Variants in PKIA observed in about 807,000 individuals in gnomAD.
PKIA encodes cAMP-dependent protein kinase inhibitor alpha.
PKIA carries 4 observed loss-of-function variants against 7.6 expected under a neutral mutation model. The ratio of observed to expected loss-of-function variants is 0.52; its 90% CI spans 0.26 to 1.20. The LOEUF is 1.20. Among genes scored for constraint, PKIA ranks in the 50% most tolerant of loss-of-function variants. The pLI is 0.13. For missense variants in PKIA, 73 were observed against 86.2 expected, an observed-to-expected ratio of 0.85 and a Z score of 0.61; for synonymous variants, 21 against 30.7, an observed-to-expected ratio of 0.68 and a Z score of 1.04.
At chr8:78,597,680 A>T (rs1211271912) in intron 2 of PKIA, among the ~76,000 whole-genome samples, 1 of 152,228 alleles carries the variant, frequency 6.6e-6, no homozygotes, top group African/African-American at 2.4e-5. Flanking sequence ...ATGTCAACAA[A>T]CTATGGCATG....
intron 1 of PKIA, among the ~76,000 whole-genome samples, chr8:78,548,757 T>G (rs2118456553): frequency 6.6e-6 from 1 of 152,210 alleles, no homozygotes; most frequent in South Asian, 2.1e-4. Flanking sequence ...GACTTAGATA[T>G]TAAGAGAATA....
intron 1 of PKIA, among the ~76,000 whole-genome samples, chr8:78,556,973 T>C (rs912308270): frequency 4.6e-5 from 7 of 152,150 alleles, no homozygotes; most frequent in African/African-American, 1.4e-4. Flanking sequence ...CATGACAAAA[T>C]CTTCCTACTA....
At chr8:78,577,441 T>C (rs1222159663) in intron 2 of PKIA, among the ~76,000 whole-genome samples, 1 of 151,704 alleles carries the variant, frequency 6.6e-6, no homozygotes, top group East Asian at 1.9e-4. Flanking sequence ...CAAATCCCTT[T>C]GATATGAGTT....
chr8:78,519,434 T>C (rs1265181610), intron 1 of PKIA, among the ~76,000 whole-genome samples: 1 of 152,056 alleles, frequency 6.6e-6, no homozygotes, highest in African/African-American at 2.4e-5. Context: ...TGAAACCCTG[T>C]CTCAAATTAA....
chr8:78,557,851 C>T (rs1047847429), intron 1 of PKIA, among the ~76,000 whole-genome samples: 2 of 83,698 alleles, frequency 2.4e-5, no homozygotes, highest in East Asian at 3.7e-4. Flanking sequence ...TGTCCTTCTC[C>T]GGGATGGTAG....
Position 78,574,613 on chromosome 8 carries a change from TAA to T in PKIA, c.-28+1677_-28+1678del, listed in dbSNP as rs576499509. ...CAGGTGTGAAAGTGAACTAGTGATCTAAAATAGCACACTGAAACTGGTTTCAA... is the reference window on the plus strand; with the variant it reads ...CAGGTGTGAAAGTGAACTAGTGATCTAATAGCACACTGAAACTGGTTTCAA... On this transcript the variant is annotated intron_variant, in intron 2 of 3. Transcript: ENST00000396418. Among the ~76,000 whole-genome samples, 372 of 152,130 alleles carry T rather than the reference TAA, an allele frequency of 2.4e-3. 2 individuals carry two copies. Among genetic ancestry groups the T allele is most frequent in the Admixed American group, 3.7e-3 (56 of 15,246 alleles).
chr8:78,579,091 C>A (rs1435018162), intron 2 of PKIA, among the ~76,000 whole-genome samples: 1 of 152,008 alleles, frequency 6.6e-6, no homozygotes, highest in Non-Finnish European at 1.5e-5. Flanking sequence ...TACATGTAGT[C>A]CATAAGAAAC....
intron 2 of PKIA, among the ~76,000 whole-genome samples, chr8:78,580,741 C>T (rs2062233): frequency 0.14 from 21,096 of 151,588 alleles, 1,747 homozygotes; most frequent in African/African-American, 0.23. Flanking sequence ...CTAATAAGTG[C>T]GAATATTAAA....
intron 1 of PKIA, among the ~76,000 whole-genome samples, chr8:78,561,432 C>A (rs925458608): frequency 5.3e-5 from 8 of 151,860 alleles, no homozygotes; most frequent in African/African-American, 1.9e-4. Context: ...TAGCCTACCC[C>A]ACTGCTCTAG....
intron 1 of PKIA, among the ~76,000 whole-genome samples, chr8:78,530,247 A>G (rs1012427065): frequency 5.3e-5 from 8 of 152,072 alleles, no homozygotes; most frequent in Admixed American, 5.2e-4. Flanking sequence ...GAAATGTAGT[A>G]ATTTGCTCTC....
chr8:78,565,439 C>G (rs149700119), intron 1 of PKIA, among the ~76,000 whole-genome samples: 34 of 152,012 alleles, frequency 2.2e-4, no homozygotes, highest in African/African-American at 7.5e-4. Flanking sequence ...ATAATTTGGT[C>G]TTCTGTTATA....
chr8:78,517,990 G>T (rs1027751742), intron 1 of PKIA, among the ~76,000 whole-genome samples: 6 of 152,234 alleles, frequency 3.9e-5, no homozygotes, highest in African/African-American at 7.2e-5. Context: ...GAGGGGCAGA[G>T]TTGGTAGCTT....
intron 2 of PKIA, among the ~76,000 whole-genome samples, chr8:78,587,547 A>T (rs1415750228): frequency 6.6e-6 from 1 of 152,188 alleles, no homozygotes; most frequent in Non-Finnish European, 1.5e-5. Context: ...TTAGTGGATA[A>T]ATGATTTATA....
chr8:78,533,528 A>T (rs1806444229), intron 1 of PKIA, among the ~76,000 whole-genome samples: 1 of 152,130 alleles, frequency 6.6e-6, no homozygotes, highest in African/African-American at 2.4e-5. Flanking sequence ...CTAATTTTCA[A>T]ATAAGATTGT....
chr8:78,546,010 G>A (rs2118437623), intron 1 of PKIA, among the ~76,000 whole-genome samples: 1 of 152,224 alleles, frequency 6.6e-6, no homozygotes, highest in East Asian at 1.9e-4. Context: ...ATTATTTTGT[G>A]AGCCCAGGTT....
chr8:78,523,876 T>G (rs1173652661), intron 1 of PKIA, among the ~76,000 whole-genome samples: 2 of 144,284 alleles, frequency 1.4e-5, no homozygotes, highest in African/African-American at 2.5e-5. Flanking sequence ...ACATATATAT[T>G]TATATAAATA....
intron 1 of PKIA, among the ~76,000 whole-genome samples, chr8:78,525,106 T>C (rs886609454): frequency 2.0e-5 from 3 of 151,670 alleles, no homozygotes; most frequent in Non-Finnish European, 2.9e-5. Context: ...AGGTGAATCA[T>C]ATTTTAGTCT....
chr8:78,565,756 G>T (rs775908832), intron 1 of PKIA, among the ~76,000 whole-genome samples: 2 of 151,730 alleles, frequency 1.3e-5, no homozygotes, highest in Non-Finnish European at 2.9e-5. Context: ...CAGATACAAA[G>T]CAGGCACTCA....
At position 78,601,858 on chromosome 8, in the gene PKIA, C is replaced by G. The variant is rs760999154; in HGVS notation, c.*37C>G. On this transcript the variant is annotated 3_prime_UTR_variant, in exon 4 of 4. Coordinates refer to ENST00000396418, the MANE Select transcript of PKIA (RefSeq NM_006823.4). The stretch of plus-strand genomic sequence containing the variant: ...GACCCTCGACCACACCTGAAAATGT[C>G]TCAAATCTCCAGGAGTATCTGGAAT... 6.9e-7 allele frequency: 1 copy of G among 1,459,106 alleles called. No individual in the cohort carries two copies. The highest frequency in any genetic ancestry group is 1.1e-5 in the South Asian group (1 of 87,252). The allele number at this position is 1,459,106 out of a possible 1,614,324, so 90.4% of individuals were successfully genotyped here. A position where few individuals can be genotyped will look rare whatever the true frequency, so the allele number is the denominator to read the frequency against.
Sources: gnomAD v4.1 joint callset for allele counts (sites outside exome capture counted in the v4.1 genomes callset) on GRCh38, gnomAD v4.1.1 for gene constraint, MANE v1.5 for transcripts, NCBI Gene and HGNC (gene_info 2026-07-23, HGNC 2026-07-21) for gene names.